The following TSHZ3 variants were observed in gnomAD, a reference collection of about 807,000 sequenced individuals.
The protein encoded by TSHZ3 is teashirt zinc finger homeobox 3.
In TSHZ3, 10 loss-of-function variants were observed where a neutral mutation model predicts 64.5. The ratio of observed to expected loss-of-function variants is 0.16; its 90% CI spans 0.10 to 0.26. The LOEUF is 0.26. TSHZ3 is among the 10% of genes least tolerant of loss of function. TSHZ3 has a pLI of 1.00. For missense variants in TSHZ3, 1,242 were observed against 1,421.7 expected (o/e 0.87, Z 2.03); for synonymous variants, 608 against 593.1 (o/e 1.03, Z -0.36).
At chr19:31,271,300 T>C (rs938195967), downstream of TSHZ3, among the ~76,000 whole-genome samples, 1 of 152,066 alleles carries the variant, frequency 6.6e-6, no homozygotes, top group Non-Finnish European at 1.5e-5. Flanking sequence ...TGTCAAATCC[T>C]TAGGGACAGA....
chr19:31,333,706 T>A (rs1292369875), intron 1 of TSHZ3, among the ~76,000 whole-genome samples: 1 of 152,050 alleles, frequency 6.6e-6, no homozygotes, highest in African/African-American at 2.4e-5. Context: ...GTCCCAGAGC[T>A]GCCTCTCCAG....
chr19:31,319,738 C>G (rs1488108708), intron 1 of TSHZ3, among the ~76,000 whole-genome samples: 1 of 152,122 alleles, frequency 6.6e-6, no homozygotes, highest in Non-Finnish European at 1.5e-5. Flanking sequence ...CAGTGTAACA[C>G]CTTTTGTCGC....
At chr19:31,184,369 C>T (rs775141485) in intron 5 of TSHZ3, among the ~76,000 whole-genome samples, 104 of 152,206 alleles carry the variant, frequency 6.8e-4, no homozygotes, top group Non-Finnish European at 1.1e-3. Flanking sequence ...ACCTTTTGGC[C>T]TAAAAATTGT....
chr19:31,233,697 G>A (rs142862015), intron 3 of TSHZ3, among the ~76,000 whole-genome samples: 1 of 152,068 alleles, frequency 6.6e-6, no homozygotes, highest in African/African-American at 2.4e-5. Flanking sequence ...CCTCCTAGAA[G>A]TTCTACAGTT....
At chr19:31,282,522 G>T (rs1976380991) in intron 1 of TSHZ3, among the ~76,000 whole-genome samples, 1 of 152,006 alleles carries the variant, frequency 6.6e-6, no homozygotes, top group Non-Finnish European at 1.5e-5. Flanking sequence ...TTCCACCCAG[G>T]GGCAATGCAT....
chr19:31,161,812 G>A (rs759900624), intron 5 of TSHZ3, among the ~76,000 whole-genome samples: 3 of 152,164 alleles, frequency 2.0e-5, no homozygotes, highest in Non-Finnish European at 2.9e-5. Context: ...CAGGCCACAC[G>A]GTCTCTGTTA....
At chr19:31,199,400 C>CAAAAAAAAAAAAAA (rs61428496) in intron 5 of TSHZ3, among the ~76,000 whole-genome samples, 1 of 98,592 alleles carries the variant, frequency 1.0e-5, no homozygotes, top group Non-Finnish European at 2.0e-5. Flanking sequence ...GAGACTCCGC[C>CAAAAAAAAAAAAAA]AAAAAAAAAA....
chr19:31,350,871 C>G (rs1469194435), upstream of TSHZ3, among the ~76,000 whole-genome samples: 1 of 147,108 alleles, frequency 6.8e-6, no homozygotes, highest in Admixed American at 6.7e-5. Context: ...GCTCTCAGGC[C>G]GGGAATGGGG....
intron 5 of TSHZ3, among the ~76,000 whole-genome samples, chr19:31,193,171 T>C (rs1974937685): frequency 1.3e-5 from 2 of 152,192 alleles, no homozygotes; most frequent in Admixed American, 6.5e-5. Flanking sequence ...CTGAGCATTT[T>C]TTCATGACTC....
intron 1 of TSHZ3, among the ~76,000 whole-genome samples, chr19:31,288,758 C>T (rs1240497670): frequency 6.6e-6 from 1 of 152,198 alleles, no homozygotes; most frequent in Non-Finnish European, 1.5e-5. Context: ...CCATGCTGCT[C>T]TGGAACTCCT....
chr19:31,181,465 C>A (rs1974713079), intron 5 of TSHZ3, among the ~76,000 whole-genome samples: 1 of 152,116 alleles, frequency 6.6e-6, no homozygotes, highest in Non-Finnish European at 1.5e-5. Flanking sequence ...CTTTTAGAAT[C>A]CCTCTGCAGT....
intron 5 of TSHZ3, among the ~76,000 whole-genome samples, chr19:31,198,703 A>G (rs543915628): frequency 6.6e-5 from 10 of 152,186 alleles, no homozygotes; most frequent in South Asian, 2.1e-4. Context: ...AATGAAATAC[A>G]TAGATATAAT....
Position 31,175,118 on chromosome 19 carries a change from G to A in TSHZ3, n.810-18701C>T, listed in dbSNP as rs373388192. 3.3e-4 allele frequency among the ~76,000 whole-genome samples: 51 copies of A among 152,260 alleles called. No homozygotes were observed. The South Asian group carries it at 0.01, about 31-fold the overall frequency. On this transcript the variant is annotated intron_variant and non_coding_transcript_variant, in intron 5 of 6. Transcript: ENST00000651361. ...GGCCATTTGTCTGTAGGATAAAGGG[G>A]TCAGGCAATGGCCCAGTTCATCATG...
At chr19:31,213,829 T>C (rs1198777113) in intron 4 of TSHZ3, among the ~76,000 whole-genome samples, 1 of 152,208 alleles carries the variant, frequency 6.6e-6, no homozygotes, top group East Asian at 1.9e-4. Flanking sequence ...ACTCTCATTC[T>C]CTTTAGAATA....
chr19:31,318,913 T>C (rs1234553072), intron 1 of TSHZ3, among the ~76,000 whole-genome samples: 2 of 152,208 alleles, frequency 1.3e-5, no homozygotes, highest in African/African-American at 4.8e-5. Flanking sequence ...AGCAGGGCTT[T>C]ATAGCAGCTC....
intron 5 of TSHZ3, among the ~76,000 whole-genome samples, chr19:31,164,842 A>G (rs1974422579): frequency 6.6e-6 from 1 of 152,098 alleles, no homozygotes; most frequent in Non-Finnish European, 1.5e-5. Flanking sequence ...AATGGTTAAT[A>G]CACCACCCAT....
intron 5 of TSHZ3, among the ~76,000 whole-genome samples, chr19:31,177,290 T>A (rs928363605): frequency 3.9e-5 from 6 of 152,168 alleles, no homozygotes; most frequent in Admixed American, 3.9e-4. Flanking sequence ...AGGAGTGAGA[T>A]GTGCTAAGCT....
At chr19:31,282,096 A>G (rs1193210176) in intron 1 of TSHZ3, among the ~76,000 whole-genome samples, 1 of 152,196 alleles carries the variant, frequency 6.6e-6, no homozygotes, top group East Asian at 1.9e-4. Context: ...GGGTTTAGCT[A>G]GACACAGCCC....
At chr19:31,202,300 A>G (rs1268779709) in intron 5 of TSHZ3, among the ~76,000 whole-genome samples, 2 of 152,182 alleles carry the variant, frequency 1.3e-5, no homozygotes, top group Admixed American at 1.3e-4. Context: ...AGCATATAAA[A>G]TTGTAATTTC....
Sources: allele counts gnomAD v4.1 joint callset (sites outside exome capture counted in the v4.1 genomes callset), GRCh38; gene constraint gnomAD v4.1.1; transcripts MANE v1.5; gene names NCBI Gene and HGNC (gene_info 2026-07-23, HGNC 2026-07-21).